Variants in SEMA3D observed in about 807,000 individuals in gnomAD.
SEMA3D encodes the protein semaphorin-3D.
Under a neutral mutation model 100.1 loss-of-function variants are expected in SEMA3D, and 84 were observed. That is an observed-to-expected ratio of 0.84 (90% CI 0.70 to 1.01). SEMA3D has a LOEUF of 1.01. Ranked by LOEUF, SEMA3D falls within the 50% of genes least tolerant of loss-of-function variation. SEMA3D has a pLI of 0.00. For synonymous variants in SEMA3D, 312 were observed against 320.7 expected, an observed-to-expected ratio of 0.97 and a Z score of 0.29; for missense variants, 875 against 934.1, an observed-to-expected ratio of 0.94 and a Z score of 0.82.
intron 9 of SEMA3D, among the ~76,000 whole-genome samples, chr7:85,048,928 A>AT (rs1203096218): frequency 3.3e-5 from 5 of 151,812 alleles, no homozygotes; most frequent in South Asian, 2.1e-4. Flanking sequence ...AATTATAAGC[A>AT]TTTTTTAACA....
intron 1 of SEMA3D, chr7:85,157,666 A>G: frequency 2.0e-6 from 2 of 983,140 alleles, no homozygotes; most frequent in Non-Finnish European, 2.4e-6. Flanking sequence ...TTGTTTGGGG[A>G]GAACAAAGCA....
the SEMA3D span, among the ~76,000 whole-genome samples, chr7:85,248,661 T>C: frequency 7.2e-5 from 11 of 152,150 alleles, no homozygotes; most frequent in Admixed American, 6.5e-5. Context: ...CCATGAGCTA[T>C]CCAGTCATGA....
chr7:85,143,516 G>A (rs966519887), intron 2 of SEMA3D, among the ~76,000 whole-genome samples: 7 of 152,026 alleles, frequency 4.6e-5, no homozygotes, highest in African/African-American at 1.7e-4. Flanking sequence ...TTACACAATG[G>A]GAAGTATTTA....
intron 2 of SEMA3D, among the ~76,000 whole-genome samples, chr7:85,143,995 G>A (rs1790129496): frequency 6.6e-6 from 1 of 152,020 alleles, no homozygotes; most frequent in Admixed American, 6.6e-5. Context: ...ACAGGCATGA[G>A]GCACCGAGCC....
chr7:85,053,705 T>C (rs556680135), intron 9 of SEMA3D, among the ~76,000 whole-genome samples: 2 of 152,194 alleles, frequency 1.3e-5, no homozygotes, highest in South Asian at 4.1e-4. Context: ...CAAAATATTG[T>C]AGACATTTGA....
At chr7:85,248,202 A>G in the SEMA3D span, among the ~76,000 whole-genome samples, 7 of 152,146 alleles carry the variant, frequency 4.6e-5, no homozygotes, top group Non-Finnish European at 8.8e-5. Flanking sequence ...ATATACACAG[A>G]GCAAATAAGC....
rs1048113647 is a variant in SEMA3D, at chr7:85,006,452, AC to A, written c.1908+349del. Among the ~76,000 whole-genome samples the A allele has an allele frequency of 2.7e-4, 41 of 152,016 alleles. 1 individual carries two copies. The highest frequency in any genetic ancestry group is 4.4e-5 in the Non-Finnish European group (3 of 67,964). On this transcript the variant is annotated intron_variant, in intron 18 of 18. Transcript: ENST00000284136. ...ATGATCTAAATTAAACACAATGTGA[AC>A]TAAAATGTAGTCACTGTGCTACTGT...
intron 12 of SEMA3D, among the ~76,000 whole-genome samples, chr7:85,035,708 A>C (rs1418787197): frequency 2.0e-5 from 3 of 152,046 alleles, no homozygotes; most frequent in African/African-American, 7.2e-5. Flanking sequence ...TAAATTAAAA[A>C]ATTTAAGGGG....
chr7:85,068,582 C>A (rs564797120), intron 6 of SEMA3D, among the ~76,000 whole-genome samples: 1 of 152,208 alleles, frequency 6.6e-6, no homozygotes, highest in African/African-American at 2.4e-5. Context: ...ATCGAAATCA[C>A]CACTAAGAAC....
At chr7:85,117,895 A>C (rs1789292107) in intron 3 of SEMA3D, among the ~76,000 whole-genome samples, 2 of 151,076 alleles carry the variant, frequency 1.3e-5, no homozygotes. Flanking sequence ...TTGTAGATAT[A>C]TATAGATATA....
intron 3 of SEMA3D, among the ~76,000 whole-genome samples, chr7:85,119,959 ATTT>A (rs527903255): frequency 4.3e-5 from 6 of 138,888 alleles, no homozygotes; most frequent in Non-Finnish European, 4.7e-5. Context: ...CATTAAGTGA[ATTT>A]TTTTTTTTTT....
chr7:85,142,850 T>C (rs781604074), intron 2 of SEMA3D: 34 of 985,064 alleles, frequency 3.5e-5, no homozygotes, highest in Non-Finnish European at 4.1e-5. Context: ...ACCCATCTTA[T>C]ACTTTTTCTT....
intron 4 of SEMA3D, among the ~76,000 whole-genome samples, chr7:85,084,782 G>A (rs1346102531): frequency 6.6e-6 from 1 of 151,972 alleles, no homozygotes; most frequent in Non-Finnish European, 1.5e-5. Context: ...ACTCCAAAAT[G>A]TCCCACCGTG....
At chr7:85,163,732 T>A (rs1200803517) in intron 1 of SEMA3D, among the ~76,000 whole-genome samples, 1 of 152,136 alleles carries the variant, frequency 6.6e-6, no homozygotes, top group Non-Finnish European at 1.5e-5. Context: ...TCATTTAAAG[T>A]GGCTCACTTA....
chr7:85,073,401 G>A (rs1161404054), intron 5 of SEMA3D, among the ~76,000 whole-genome samples: 1 of 151,738 alleles, frequency 6.6e-6, no homozygotes, highest in Non-Finnish European at 1.5e-5. Context: ...TGAATTAGAC[G>A]TCCATATTTA....
At chr7:85,144,753 A>G (rs992724032) in intron 2 of SEMA3D, 2 of 713,328 alleles carry the variant, frequency 2.8e-6, no homozygotes, top group Non-Finnish European at 3.4e-6. Flanking sequence ...AATGGTGTAA[A>G]GCAAATAATA....
At chr7:85,050,708 A>T in intron 9 of SEMA3D, 1 of 512,950 alleles carries the variant, frequency 1.9e-6, no homozygotes, top group Non-Finnish European at 3.5e-6. Flanking sequence ...AATTACTTTG[A>T]CTATGTTCAG....
In SEMA3D at chr7:84,999,848, T is replaced by A. The variant is rs373922127; in HGVS notation, c.1926A>T (p.Arg642Ser). 8 of 1,613,042 alleles carry A rather than the reference T, an allele frequency of 5.0e-6. No homozygotes were observed. The highest frequency in any genetic ancestry group is 6.8e-6 in the Non-Finnish European group (8 of 1,179,312). ...GTAGCCCATATTCCGTTTTGATGAT[T>A]CTTTCATCGGGCTTCAACTGCAGAA... ...EHREELKPDE[R>S]IIKTEYGLLI... The change falls in exon 19 of 19, where the codon AGA becomes AGT. Residue 642 changes from arginine to serine, a missense_variant. Coordinates refer to ENST00000284136, the MANE Select transcript of SEMA3D (RefSeq NM_001384900.1).
the SEMA3D span, among the ~76,000 whole-genome samples, chr7:85,202,639 T>G: frequency 6.6e-6 from 1 of 151,906 alleles, no homozygotes; most frequent in African/African-American, 2.4e-5. Flanking sequence ...TCAAACAAGT[T>G]TACAAGAAAA....
Sources: allele counts gnomAD v4.1 joint callset (sites outside exome capture counted in the v4.1 genomes callset), GRCh38; gene constraint gnomAD v4.1.1; transcripts MANE v1.5; gene names NCBI Gene and HGNC (gene_info 2026-07-23, HGNC 2026-07-21).